The following DOCK1 variants were observed in gnomAD, a reference collection of about 807,000 sequenced individuals.
DOCK1 encodes dedicator of cytokinesis 1.
Under a neutral mutation model 262.7 loss-of-function variants are expected in DOCK1, and 138 were observed. The ratio of observed to expected loss-of-function variants is 0.53; its 90% CI spans 0.46 to 0.61. DOCK1 has a LOEUF of 0.61. Among genes scored for constraint, DOCK1 ranks in the 20% least tolerant of loss-of-function variants. DOCK1 has a pLI of 0.00. For synonymous variants in DOCK1, 866 were observed against 867.4 expected, an observed-to-expected ratio of 1.00 and a Z score of 0.03; for missense variants, 1,908 against 2,370.7, an observed-to-expected ratio of 0.80 and a Z score of 4.05.
chr10:127,116,762 T>A (rs1324443993), intron 25 of DOCK1, among the ~76,000 whole-genome samples: 1 of 152,230 alleles, frequency 6.6e-6, no homozygotes, highest in African/African-American at 2.4e-5. Flanking sequence ...TTGATAGATG[T>A]TGTGCAGAAG....
At chr10:127,196,747 A>G (rs1039584251) in intron 27 of DOCK1, among the ~76,000 whole-genome samples, 7 of 151,224 alleles carry the variant, frequency 4.6e-5, no homozygotes, top group East Asian at 2.0e-4. Context: ...AGGTGGAAGG[A>G]GCTGCCGCCG....
At chr10:127,243,199 A>T (rs948761772) in intron 27 of DOCK1, among the ~76,000 whole-genome samples, 2 of 152,190 alleles carry the variant, frequency 1.3e-5, no homozygotes, top group Admixed American at 6.5e-5. Flanking sequence ...AAGAATATGA[A>T]TTAAAACCCT....
intron 29 of DOCK1, among the ~76,000 whole-genome samples, chr10:127,310,558 G>A (rs1590382011): frequency 6.6e-6 from 1 of 152,254 alleles, no homozygotes; most frequent in East Asian, 1.9e-4. Flanking sequence ...TCAAAGGGAG[G>A]GAGTAATTTG....
intron 33 of DOCK1, among the ~76,000 whole-genome samples, chr10:127,365,426 A>G (rs900016737): frequency 2.0e-5 from 3 of 152,354 alleles, no homozygotes; most frequent in Admixed American, 6.5e-5. Flanking sequence ...ACTCATTGGA[A>G]CTACAAATTA....
intron 29 of DOCK1, among the ~76,000 whole-genome samples, chr10:127,327,700 A>C (rs191259458): frequency 9.8e-4 from 149 of 152,336 alleles, no homozygotes; most frequent in African/African-American, 3.4e-3. Context: ...TATCTTTACC[A>C]TGCTTTCAAC....
chr10:127,215,310 C>T (rs1000103494), intron 27 of DOCK1, among the ~76,000 whole-genome samples: 9 of 152,236 alleles, frequency 5.9e-5, no homozygotes, highest in Non-Finnish European at 1.3e-4. Context: ...CCACTGGCCT[C>T]GGGTTTCCTG....
At chr10:126,939,046 G>A (rs1223008276) in intron 1 of DOCK1, among the ~76,000 whole-genome samples, 1 of 108,878 alleles carries the variant, frequency 9.2e-6, no homozygotes, top group Non-Finnish European at 1.8e-5. Context: ...ACACGGTGGG[G>A]GGATGAACAC....
chr10:126,972,335 C>T (rs2038177977), intron 2 of DOCK1, among the ~76,000 whole-genome samples: 1 of 152,060 alleles, frequency 6.6e-6, no homozygotes, highest in Non-Finnish European at 1.5e-5. Flanking sequence ...TTGAGCATGC[C>T]ATATTTCATT....
chr10:126,909,613 G>A (rs2031462412), intron 1 of DOCK1, among the ~76,000 whole-genome samples: 1 of 152,136 alleles, frequency 6.6e-6, no homozygotes, highest in Non-Finnish European at 1.5e-5. Flanking sequence ...ATGGGATGGG[G>A]CATTGGCACT....
chr10:127,140,752 G>A (rs1407815539), intron 27 of DOCK1, among the ~76,000 whole-genome samples: 1 of 152,002 alleles, frequency 6.6e-6, no homozygotes, highest in Non-Finnish European at 1.5e-5. Flanking sequence ...GGCTGACATC[G>A]AACAAAGGTC....
rs1024189352 is a variant in DOCK1 at position 127,006,001 on chromosome 10, A to G, written c.986-2731A>G. On this transcript the variant is annotated intron_variant, in intron 10 of 51. Transcript: ENST00000623213. The stretch of plus-strand genomic sequence containing the variant: ...AAAAATTCGGCTTCTCAATGGCTGC[A>G]GCCTGTAGTCCTGTGATTCCAGCAG... Among the ~76,000 whole-genome samples the G allele has an allele frequency of 4.6e-5, 7 of 152,326 alleles. No individual in the cohort carries two copies. The East Asian group carries it at 1.4e-3, about 29-fold the overall frequency.
chr10:127,217,804 A>G (rs1343550170), intron 27 of DOCK1, among the ~76,000 whole-genome samples: 1 of 152,220 alleles, frequency 6.6e-6, no homozygotes, highest in Non-Finnish European at 1.5e-5. Flanking sequence ...TTCTTCTAGG[A>G]TTTTAATAGT....
chr10:127,417,403 G>T (rs1186405649), intron 44 of DOCK1, among the ~76,000 whole-genome samples: 28 of 152,162 alleles, frequency 1.8e-4, no homozygotes, highest in Admixed American at 1.8e-3. Flanking sequence ...CAGAGAAAGA[G>T]GGTGGAGGTC....
chr10:127,259,245 A>T (rs1008406426), intron 29 of DOCK1, among the ~76,000 whole-genome samples: 2 of 152,084 alleles, frequency 1.3e-5, no homozygotes, highest in Non-Finnish European at 2.9e-5. Context: ...GGTGACTTTA[A>T]ATTATTCCTG....
chr10:127,284,163 G>GT (rs955526550), intron 29 of DOCK1, among the ~76,000 whole-genome samples: 5 of 151,984 alleles, frequency 3.3e-5, no homozygotes, highest in African/African-American at 9.7e-5. Flanking sequence ...TGGTTTTAGT[G>GT]TTTTTTCTTG....
chr10:127,357,780 T>C lies in DOCK1; in HGVS notation c.3283+3053T>C, dbSNP rs567971979. On this transcript the variant is annotated intron_variant, in intron 32 of 51. Transcript: ENST00000623213. ...GGTTCCTTGCTGGTAAAATAAGTTATCTTTCAAAGTGAGGGAGGTGATCTT... is the reference window on the plus strand; with the variant it reads ...GGTTCCTTGCTGGTAAAATAAGTTACCTTTCAAAGTGAGGGAGGTGATCTT... Among the ~76,000 whole-genome samples, 7 of 152,202 alleles carry C rather than the reference T, an allele frequency of 4.6e-5. No homozygotes were observed. In the East Asian group the frequency reaches 9.7e-4, roughly 21 times the overall value.
intron 27 of DOCK1, among the ~76,000 whole-genome samples, chr10:127,209,143 T>A (rs1564905116): frequency 1.3e-5 from 2 of 150,876 alleles, no homozygotes; most frequent in Admixed American, 6.6e-5. Flanking sequence ...CCTTGGTTTT[T>A]AACTTTATTT....
chr10:127,410,924 G>A lies in DOCK1; in HGVS notation c.4428G>A (p.Ala1476=), dbSNP rs1256158293. The change falls in exon 43 of 52, where the codon GCG becomes GCA. Residue 1476 remains alanine (A), a splice_region_variant and synonymous_variant. Transcript: ENST00000623213. ...KGEKNPDNEF[A]NMWIERTIYT... Reference sequence around the variant, plus strand: ...AGAAAAACCCAGACAATGAATTTGCGGTAAAAAACAAACAAACCACCAAAC... The same window carrying A: ...AGAAAAACCCAGACAATGAATTTGCAGTAAAAAACAAACAAACCACCAAAC... The A allele has an allele frequency of 3.7e-6, 6 of 1,612,026 alleles. No homozygotes were observed. Among genetic ancestry groups the A allele is most frequent in the East Asian group, 4.5e-5 (2 of 44,850 alleles).
In DOCK1 at chr10:127,404,334, G is replaced by T; in HGVS notation, c.4027G>T (p.Ala1343Ser). The stretch of plus-strand genomic sequence containing the variant: ...TCTTTTTTCCTTCCAGAAAAAACAG[G>T]CTCAGTTTTATGAAAACATCGTCAA... ...EQLSELLKKQ[A>S]QFYENIVKVI... The change falls in exon 40 of 52, where the codon GCT (alanine) becomes TCT (serine). Residue 1343 changes from alanine (A) to serine (S), a missense_variant. By Grantham distance (99) the Ala-to-Ser change is moderately conservative (BLOSUM62 1). Transcript: ENST00000623213. The T allele has an allele frequency of 6.2e-7, 1 of 1,613,284 alleles. No individual in the cohort carries two copies. Among genetic ancestry groups the T allele is most frequent in the Non-Finnish European group, 8.5e-7 (1 of 1,179,592 alleles).
Sources: allele counts gnomAD v4.1 joint callset (sites outside exome capture counted in the v4.1 genomes callset), GRCh38; gene constraint gnomAD v4.1.1; transcripts MANE v1.5; gene names NCBI Gene and HGNC (gene_info 2026-07-23, HGNC 2026-07-21).